Variants in PRPF18 observed in about 807,000 individuals in gnomAD.
PRPF18 encodes the protein pre-mRNA processing factor 18, also known as pre-mRNA-splicing factor 18.
In PRPF18, 38 loss-of-function variants were observed where a neutral mutation model predicts 46.5. The ratio of observed to expected loss-of-function variants is 0.82; its 90% confidence interval spans 0.63 to 1.07. The LOEUF (loss-of-function observed/expected upper bound fraction) is 1.07. Ranked by LOEUF, PRPF18 falls within the 50% of genes least tolerant of loss-of-function variation. The pLI is 0.00. For synonymous variants in PRPF18, 152 were observed against 146.7 expected, an observed-to-expected ratio of 1.04 and a Z score of -0.26; for missense variants, 263 against 410.0, an observed-to-expected ratio of 0.64 and a Z score of 3.10.
intron 2 of PRPF18, among the ~76,000 whole-genome samples, chr10:13,599,125 C>T (rs1016643639): frequency 6.6e-6 from 1 of 152,066 alleles, no homozygotes; most frequent in Non-Finnish European, 1.5e-5. Flanking sequence ...ACAGGTGTTT[C>T]TTTCTAAAGA....
chr10:13,620,947 T>C (rs2080412496), intron 9 of PRPF18, among the ~76,000 whole-genome samples: 1 of 152,212 alleles, frequency 6.6e-6, no homozygotes, highest in Admixed American at 6.5e-5. Flanking sequence ...AGTCCAGGGT[T>C]AGGTAGAAAT....
chr10:13,634,878 T>G (rs1003719520), downstream of PRPF18, among the ~76,000 whole-genome samples: 3 of 152,240 alleles, frequency 2.0e-5, no homozygotes, highest in African/African-American at 7.2e-5. Context: ...CACTGATTTT[T>G]TTTTTGAATT....
chr10:13,591,359 T>A (rs2079958743), intron 1 of PRPF18: 3 of 405,568 alleles, frequency 7.4e-6, no homozygotes, highest in Admixed American at 4.0e-5. Flanking sequence ...GAAAAAAGTT[T>A]TATGAAATAA....
In PRPF18 at chr10:13,600,428, A is replaced by G. The variant is rs2080089417; in HGVS notation, c.249+80A>G. ...TATCTCCAGCTTTTCCAATAAGTTA[A>G]ACGTCATTATTTCCTGCGTAAAATG... On this transcript the variant is annotated intron_variant, in intron 3 of 9. Transcript: ENST00000378572. 4 of 1,073,328 alleles carry G rather than the reference A, an allele frequency of 3.7e-6. No homozygotes were observed. The East Asian group carries it at 1.1e-4, about 29-fold the overall frequency. 66.5% of individuals were successfully genotyped at this position (1,073,328 alleles called of 1,614,324 possible).
Position 13,622,895 on chromosome 10 carries a change from T to A in PRPF18, c.948+6342T>A, listed in dbSNP as rs544081009. Among the ~76,000 whole-genome samples, 11 of 152,268 alleles carry A rather than the reference T, an allele frequency of 7.2e-5. No individual in the cohort carries two copies. In the South Asian group the frequency reaches 2.3e-3, roughly 32 times the overall value. ...GATGAATTCAGTTTTAACAATATAT[T>A]TGTGTGAAAAGAGTTCCCACAGGCC... is the stretch of plus-strand genomic sequence containing the variant. On this transcript the variant is annotated intron_variant, in intron 9 of 9. Transcript: ENST00000378572.
the PRPF18 span, among the ~76,000 whole-genome samples, chr10:13,650,011 C>A: frequency 6.6e-6 from 1 of 152,198 alleles, no homozygotes; most frequent in African/African-American, 2.4e-5. Context: ...ACTTCAGAAT[C>A]TGTGGGGGCT....
At chr10:13,649,856 A>T in the PRPF18 span, among the ~76,000 whole-genome samples, 3 of 152,244 alleles carry the variant, frequency 2.0e-5, no homozygotes, top group Non-Finnish European at 4.4e-5. Context: ...GCCACTAAAT[A>T]GTTGCCCTAG....
chr10:13,595,820 A>G (rs184536417), intron 1 of PRPF18, among the ~76,000 whole-genome samples: 1 of 152,308 alleles, frequency 6.6e-6, no homozygotes, highest in Non-Finnish European at 1.5e-5. Flanking sequence ...GAACTTTTAG[A>G]AAAACCTTAT....
intron 9 of PRPF18, among the ~76,000 whole-genome samples, chr10:13,623,186 G>A (rs978304793): frequency 2.6e-5 from 4 of 151,964 alleles, no homozygotes; most frequent in Admixed American, 6.6e-5. Context: ...GGGTGACAGC[G>A]CGAGACTCCG....
At chr10:13,588,516 CAGTG>C (rs535690769) in intron 1 of PRPF18, among the ~76,000 whole-genome samples, 80 of 150,410 alleles carry the variant, frequency 5.3e-4, no homozygotes, top group Middle Eastern at 7.0e-3. Context: ...GTTCAGGCTG[CAGTG>C]AGCTATCATC....
chr10:13,632,442 A>G (rs972292286), downstream of PRPF18: 2 of 152,216 alleles, frequency 1.3e-5, no homozygotes, highest in Admixed American at 6.5e-5. Context: ...GATTTTTTAT[A>G]TAGGACCTAT....
chr10:13,611,420 A>G (rs999278281), intron 5 of PRPF18, among the ~76,000 whole-genome samples, 195 bp from the exon 6 acceptor site: 4 of 152,232 alleles, frequency 2.6e-5, no homozygotes, highest in Non-Finnish European at 5.9e-5. Context: ...CATAAAAGGT[A>G]ACATGCTCTC....
chr10:13,611,590 A>G, intron 5 of PRPF18, 25 bp from the exon 6 acceptor site: 1 of 1,599,436 alleles, frequency 6.3e-7, no homozygotes. Context: ...ATTAATGAAC[A>G]GAAGCATTGT....
chr10:13,643,048 ACTC>A, the PRPF18 span: 1 of 152,092 alleles, frequency 6.6e-6, no homozygotes, highest in East Asian at 1.9e-4. Context: ...AGCAGTCACT[ACTC>A]AAGTCAGTCA....
chr10:13,647,410 CCAGGTGATTCT>C, the PRPF18 span: 2 of 152,204 alleles, frequency 1.3e-5, no homozygotes, highest in Non-Finnish European at 2.9e-5. Flanking sequence ...AAGCTCCCCA[CCAGGTGATTCT>C]CAGATGCAGC....
chr10:13,638,251 A>G, the PRPF18 span: 1 of 151,172 alleles, frequency 6.6e-6, no homozygotes, highest in East Asian at 1.9e-4. Flanking sequence ...AATCTTGACA[A>G]TGAAGATGTG....
At chr10:13,595,769 T>C (rs993135326) in intron 1 of PRPF18, among the ~76,000 whole-genome samples, 1 of 152,206 alleles carries the variant, frequency 6.6e-6, no homozygotes, top group Non-Finnish European at 1.5e-5. Flanking sequence ...GTGCTTGTTG[T>C]GTGGTAGATA....
At chr10:13,590,620 CAAAA>C (rs35395677) in intron 1 of PRPF18, among the ~76,000 whole-genome samples, 8 of 84,420 alleles carry the variant, frequency 9.5e-5, no homozygotes, top group Admixed American at 2.8e-4. Context: ...GACTCCATCT[CAAAA>C]AAAAAAAAAA....
chr10:13,627,722 T>C (rs2134054069), intron 9 of PRPF18, among the ~76,000 whole-genome samples: 1 of 152,314 alleles, frequency 6.6e-6, no homozygotes, highest in Non-Finnish European at 1.5e-5. Context: ...AGAACACTAG[T>C]ATATGTTTTT....
Sources: allele counts gnomAD v4.1 joint callset (sites outside exome capture counted in the v4.1 genomes callset), GRCh38; gene constraint gnomAD v4.1.1; transcripts MANE v1.5; gene names NCBI Gene and HGNC (gene_info 2026-07-23, HGNC 2026-07-21).